The following ARHGAP32 variants were observed in gnomAD, a reference collection of about 807,000 sequenced individuals.
ARHGAP32 encodes the protein rho GTPase-activating protein 32.
ARHGAP32 carries 51 observed loss-of-function variants against 186.5 expected under a neutral mutation model. The ratio of observed to expected loss-of-function variants is 0.27; its 90% CI spans 0.22 to 0.35. The LOEUF (loss-of-function observed/expected upper bound fraction) is 0.35. Among genes scored for constraint, ARHGAP32 ranks in the 10% least tolerant of loss-of-function variants. The pLI, the probability that ARHGAP32 is intolerant of heterozygous loss-of-function variation, is 1.00. For synonymous variants in ARHGAP32, 950 were observed against 964.3 expected, an observed-to-expected ratio of 0.99 and a Z score of 0.27; for missense variants, 2,186 against 2,623.5, an observed-to-expected ratio of 0.83 and a Z score of 3.64.
At position 129,257,720 on chromosome 11, in the gene ARHGAP32, A is replaced by AC. The variant is rs1396647128; in HGVS notation, c.-5+21425_-5+21426insG. The stretch of plus-strand genomic sequence containing the variant: ...AATAATTAACCAAAAAAAAAAAAAA[A>AC]ACAGAACTTCTTAAATCCTAAACAG... On this transcript the variant is annotated intron_variant, in intron 1 of 6. Coordinates refer to the ARHGAP32 transcript ENST00000525234. Among the ~76,000 whole-genome samples the AC allele has an allele frequency of 2.7e-5, 3 of 112,122 alleles. No individual in the cohort carries two copies. The Admixed American group carries it at 3.3e-4, about 12-fold the overall frequency. The allele number at this position is 112,122 out of a possible 152,430, so 73.6% of individuals were successfully genotyped here.
At chr11:129,077,082 AG>A (rs1941065798) in intron 6 of ARHGAP32, among the ~76,000 whole-genome samples, 1 of 152,332 alleles carries the variant, frequency 6.6e-6, no homozygotes, top group South Asian at 2.1e-4. Flanking sequence ...TAGAAGCAGC[AG>A]CTGGAAGAGC....
chr11:129,134,489 ATAAAG>A (rs1334054914), intron 2 of ARHGAP32, among the ~76,000 whole-genome samples: 1 of 152,230 alleles, frequency 6.6e-6, no homozygotes, highest in African/African-American at 2.4e-5. Context: ...GTCTCTAGGC[ATAAAG>A]TAAATACACA....
At chr11:129,138,283 A>G (rs1393188890) in intron 2 of ARHGAP32, among the ~76,000 whole-genome samples, 1 of 142,490 alleles carries the variant, frequency 7.0e-6, no homozygotes, top group East Asian at 2.1e-4. Flanking sequence ...AGCCACAAGT[A>G]TACCCTTACT....
At chr11:129,108,113 CGAA>C (rs1165255340) in intron 5 of ARHGAP32, among the ~76,000 whole-genome samples, 1 of 151,898 alleles carries the variant, frequency 6.6e-6, no homozygotes, top group Non-Finnish European at 1.5e-5. Context: ...TAAGACATAT[CGAA>C]AACAAACAGC....
intron 1 of ARHGAP32, 44 bp downstream of exon 1, chr11:129,192,039 G>T: frequency 1.4e-6 from 2 of 1,380,768 alleles, no homozygotes; most frequent in Non-Finnish European, 1.0e-6. Flanking sequence ...GCGGGTGGGG[G>T]TAGGGAGTGG....
Position 128,974,975 on chromosome 11 carries a change from C to T in ARHGAP32, c.2222G>A (p.Arg741Lys). 6.2e-7 allele frequency: 1 copy of T among 1,610,810 alleles called. No individual in the cohort carries two copies. The highest frequency in any genetic ancestry group is 8.5e-7 in the Non-Finnish European group (1 of 1,178,854). ...DGDSKLFRPR[R>K]PRSSSDALSA... Reference sequence around the variant, plus strand: ...CAGTGCATCACTGGAAGATCTGGGTCTTCTGGGTCGGAAGAGCTTAGAATC... The same window carrying T: ...CAGTGCATCACTGGAAGATCTGGGTTTTCTGGGTCGGAAGAGCTTAGAATC... Residue 741 changes from arginine (R) to lysine (K), a missense_variant, in exon 21 of 23, where the codon AGA (arginine) becomes AAA (lysine). Around this residue, in one of 5 missense-constraint regions of ARHGAP32, gnomAD observed 263 missense variants for 323.5 expected, o/e 0.81. Transcript: ENST00000682385.
chr11:129,228,768 G>A (rs1944818559), intron 1 of ARHGAP32, among the ~76,000 whole-genome samples: 1 of 152,102 alleles, frequency 6.6e-6, no homozygotes, highest in African/African-American at 2.4e-5. Flanking sequence ...TTAATACCTA[G>A]GTGATGGGTT....
At chr11:129,215,279 C>T (rs558282238) in intron 1 of ARHGAP32, among the ~76,000 whole-genome samples, 4 of 152,258 alleles carry the variant, frequency 2.6e-5, no homozygotes, top group African/African-American at 9.6e-5. Context: ...ATAACAGTTC[C>T]TTTCCTCATA....
chr11:129,227,121 G>T lies in ARHGAP32; in HGVS notation c.-5+52025C>A, dbSNP rs898340429. Among the ~76,000 whole-genome samples, 12 of 151,988 alleles carry T rather than the reference G, an allele frequency of 7.9e-5. 1 individual carries two copies. The highest frequency in any genetic ancestry group is 7.2e-4 in the Admixed American group (11 of 15,238). On this transcript the variant is annotated intron_variant, in intron 1 of 6. Transcript: ENST00000525234. ...GTATGAAATAACAGTACAAAGGAAGGGGAAGGGAAGGCACTATATGGGAAC... is the reference window on the plus strand; with the variant it reads ...GTATGAAATAACAGTACAAAGGAAGTGGAAGGGAAGGCACTATATGGGAAC...
intron 10 of ARHGAP32, among the ~76,000 whole-genome samples, chr11:129,047,714 C>T (rs909115904): frequency 6.6e-6 from 1 of 152,130 alleles, no homozygotes; most frequent in East Asian, 1.9e-4. Context: ...ACTCCCGAAA[C>T]ATGCTTAAAG....
intron 2 of ARHGAP32, among the ~76,000 whole-genome samples, chr11:129,149,496 C>T (rs1017343152): frequency 6.6e-6 from 1 of 152,130 alleles, no homozygotes; most frequent in African/African-American, 2.4e-5. Context: ...CAGCGCAGAG[C>T]CTGGTAGTCC....
intron 1 of ARHGAP32, among the ~76,000 whole-genome samples, chr11:129,238,857 C>T (rs918283905): frequency 2.0e-5 from 3 of 151,618 alleles, no homozygotes; most frequent in African/African-American, 7.3e-5. Flanking sequence ...TTTTTTGAAA[C>T]AGGGTCTCAC....
At chr11:129,222,062 A>G (rs1565472594) in intron 1 of ARHGAP32, among the ~76,000 whole-genome samples, 1 of 152,106 alleles carries the variant, frequency 6.6e-6, no homozygotes. Flanking sequence ...TATAGCTACT[A>G]TTGGAGTTTA....
chr11:129,041,414 C>T (rs182422020), intron 10 of ARHGAP32, among the ~76,000 whole-genome samples: 8 of 150,458 alleles, frequency 5.3e-5, no homozygotes, highest in Non-Finnish European at 1.2e-4. Flanking sequence ...ATTGACTTCT[C>T]TATGGGTTTT....
At chr11:129,179,759 A>C (rs931363700) in intron 1 of ARHGAP32, among the ~76,000 whole-genome samples, 1 of 150,922 alleles carries the variant, frequency 6.6e-6, no homozygotes, top group Non-Finnish European at 1.5e-5. Flanking sequence ...ACACATGGAC[A>C]TAGGAAGGGG....
At chr11:129,120,030 A>T (rs1455178687) in intron 5 of ARHGAP32, among the ~76,000 whole-genome samples, 1 of 152,114 alleles carries the variant, frequency 6.6e-6, no homozygotes, top group Non-Finnish European at 1.5e-5. Flanking sequence ...AAGTGACATG[A>T]TTGGACTTAC....
Position 129,259,401 on chromosome 11 carries a change from T to C in ARHGAP32, c.-5+19745A>G, listed in dbSNP as rs182843015. Among the ~76,000 whole-genome samples, 367 of 152,266 alleles carry C rather than the reference T, an allele frequency of 2.4e-3. 1 individual carries two copies. Among genetic ancestry groups the C allele is most frequent in the Non-Finnish European group, 3.6e-3 (248 of 68,014 alleles). ...ATATTTTCATACTGAGAGATGTTAC[T>C]AGTTTTTTGTTAAGCACTTTGGAAG... On this transcript the variant is annotated intron_variant, in intron 1 of 6. Coordinates refer to the ARHGAP32 transcript ENST00000525234.
Position 128,974,319 on chromosome 11 carries a change from T to G in ARHGAP32, c.2878A>C (p.Arg960=), listed in dbSNP as rs1418420968. Residue 960 remains arginine, a synonymous_variant, in exon 21 of 23, where the codon AGG becomes CGG. Coordinates refer to ENST00000682385, the MANE Select transcript of ARHGAP32 (RefSeq NM_001378024.1). ...GTGGGGGATCTATTTGTGGCATCCC[T>G]TTCTTCAACGCATTTGTCCCAGGTT... ...SSTWDKCVEE[R]DATNRSPTQI... is the part of the protein sequence containing the mutation. 6.2e-7 allele frequency: 1 copy of G among 1,614,220 alleles called. No homozygotes were observed. The highest frequency in any genetic ancestry group is 8.5e-7 in the Non-Finnish European group (1 of 1,180,046).
intron 13 of ARHGAP32, among the ~76,000 whole-genome samples, chr11:128,986,897 T>C (rs961623044): frequency 6.6e-6 from 1 of 152,228 alleles, no homozygotes; most frequent in Non-Finnish European, 1.5e-5. Flanking sequence ...ACAGCTTTAA[T>C]ATTAAAATGG....
Sources: allele counts gnomAD v4.1 joint callset (sites outside exome capture counted in the v4.1 genomes callset), GRCh38; gene constraint gnomAD v4.1.1; regional missense constraint gnomAD v4.1.1; transcripts MANE v1.5; gene names NCBI Gene and HGNC (gene_info 2026-07-23, HGNC 2026-07-21).